The following HEMGN variants were observed in gnomAD, a reference collection of about 807,000 sequenced individuals.
HEMGN encodes erythroid differentiation-associated gene protein.
Under a neutral mutation model 45.7 loss-of-function variants are expected in HEMGN, and 32 were observed. The ratio of observed to expected loss-of-function variants is 0.70; its 90% confidence interval spans 0.53 to 0.94. The LOEUF (loss-of-function observed/expected upper bound fraction) is 0.94, where lower values mean the gene tolerates loss of function less well. Among genes scored for constraint, HEMGN ranks in the 40% least tolerant of loss-of-function variants. The probability of loss-of-function intolerance (pLI) is 0.00; values close to 1 mark genes in which losing one functional copy is unlikely to be tolerated. For missense variants in HEMGN, 530 were observed against 564.2 expected, an observed-to-expected ratio of 0.94 and a Z score of 0.61; for synonymous variants, 183 against 178.6, an observed-to-expected ratio of 1.02 and a Z score of -0.20.
chr9:97,931,574 G>T lies in HEMGN; in HGVS notation c.174-353C>A, dbSNP rs193187369. Among the ~76,000 whole-genome samples the T allele has an allele frequency of 3.9e-4, 59 of 152,202 alleles. No individual in the cohort carries two copies. In the East Asian group the frequency reaches 0.011, roughly 28 times the overall value. On this transcript the variant is annotated intron_variant, in intron 2 of 3. Coordinates refer to ENST00000616898, the MANE Select transcript of HEMGN (RefSeq NM_197978.3). ...ATTCTCATTACAAATTAATAGAGTG[G>T]CATTCTGGTTTATACACTAGTCTCT... is the stretch of plus-strand genomic sequence containing the variant.
chr9:97,927,925 TGTCTA>T (rs2131550674), intron 3 of HEMGN, among the ~76,000 whole-genome samples: 1 of 152,188 alleles, frequency 6.6e-6, no homozygotes, highest in African/African-American at 2.4e-5. Context: ...CCTGAAAAGA[TGTCTA>T]GTAACATTAA....
chr9:97,931,488 G>A (rs938959173), intron 2 of HEMGN, among the ~76,000 whole-genome samples: 13 of 152,214 alleles, frequency 8.5e-5, no homozygotes, highest in Admixed American at 2.6e-4. Context: ...TAGTGCATGC[G>A]CGTATGCGTG....
Position 97,927,325 on chromosome 9 carries a change from C to T in HEMGN, c.*59G>A, listed in dbSNP as rs900405613. The stretch of plus-strand genomic sequence containing the variant: ...AAGTTTTACAATATTTTGAGAAAAT[C>T]ACGCATAAACTATTAAGCTGTATGT... On this transcript the variant is annotated 3_prime_UTR_variant, in exon 4 of 4. Coordinates refer to ENST00000616898, the MANE Select transcript of HEMGN (RefSeq NM_197978.3). 1 of 883,042 alleles carries T rather than the reference C, an allele frequency of 1.1e-6. No homozygotes were observed. Among genetic ancestry groups the T allele is most frequent in the Non-Finnish European group, 1.8e-6 (1 of 564,446 alleles). The allele number at this position is 883,042 out of a possible 1,614,324, so 54.7% of individuals were successfully genotyped here.
chr9:97,931,018 T>C lies in HEMGN; in HGVS notation c.377A>G (p.Lys126Arg), dbSNP rs1826940234. 1 of 1,614,116 alleles carries C rather than the reference T, an allele frequency of 6.2e-7. No individual in the cohort carries two copies. Among genetic ancestry groups the C allele is most frequent in the Non-Finnish European group, 8.5e-7 (1 of 1,180,014 alleles). ...KVFPSVASPQKVVPEEHFSEI... is the reference protein window; with the variant it reads ...KVFPSVASPQRVVPEEHFSEI... ...AGAAAAGTGTTCCTCAGGCACAACTTTTTGCGGGGAGGCTACTGAAGGAAA... is the reference window on the plus strand; with the variant it reads ...AGAAAAGTGTTCCTCAGGCACAACTCTTTGCGGGGAGGCTACTGAAGGAAA... Residue 126 changes from lysine to arginine, a missense_variant, in exon 3 of 4, where the codon AAA becomes AGA. Coordinates refer to ENST00000616898, the MANE Select transcript of HEMGN (RefSeq NM_197978.3).
Position 97,933,241 on chromosome 9 carries a change from G to T in HEMGN, c.174-2020C>A, listed in dbSNP as rs1826990757. Among the ~76,000 whole-genome samples the T allele has an allele frequency of 2.6e-5, 4 of 152,142 alleles. No homozygotes were observed. In the South Asian group the frequency reaches 8.3e-4, roughly 32 times the overall value. Reference sequence around the variant, plus strand: ...ATTATATATAATAACTTACATGAATGAATTATTCAAATATAAATTAGGACT... The same window carrying T: ...ATTATATATAATAACTTACATGAATTAATTATTCAAATATAAATTAGGACT... On this transcript the variant is annotated intron_variant, in intron 2 of 3. Coordinates refer to ENST00000616898, the MANE Select transcript of HEMGN (RefSeq NM_197978.3).
intron 2 of HEMGN, among the ~76,000 whole-genome samples, chr9:97,935,365 C>G (rs144174079): frequency 1.3e-5 from 2 of 152,296 alleles, no homozygotes; most frequent in Admixed American, 1.3e-4. Flanking sequence ...CCCCAGAAGA[C>G]TTTTGACAAT....
chr9:97,927,844 AAG>A (rs1251854720), intron 3 of HEMGN, among the ~76,000 whole-genome samples: 5 of 152,160 alleles, frequency 3.3e-5, no homozygotes, highest in Non-Finnish European at 7.3e-5. Context: ...AATCGGAAAA[AAG>A]AAATAAAAAA....
chr9:97,928,175 C>T (rs933080176), intron 3 of HEMGN, among the ~76,000 whole-genome samples: 1 of 152,018 alleles, frequency 6.6e-6, no homozygotes, highest in Non-Finnish European at 1.5e-5. Context: ...TACAGGCGCC[C>T]GCCACCGCGC....
At chr9:97,941,585 T>C (rs1827153470), upstream of HEMGN, among the ~76,000 whole-genome samples, 1 of 152,228 alleles carries the variant, frequency 6.6e-6, no homozygotes, top group African/African-American at 2.4e-5. Context: ...GATTAACTTA[T>C]AACTTGAATA....
intron 3 of HEMGN, among the ~76,000 whole-genome samples, chr9:97,928,699 T>C (rs2131551298): frequency 6.6e-6 from 1 of 152,336 alleles, no homozygotes; most frequent in African/African-American, 2.4e-5. Context: ...GTTAACTAAA[T>C]AAATGTTATT....
Position 97,930,526 on chromosome 9 carries a change from C to T in HEMGN, c.869G>A (p.Gly290Glu). 1 of 1,614,046 alleles carries T rather than the reference C, an allele frequency of 6.2e-7. No individual in the cohort carries two copies. The highest frequency in any genetic ancestry group is 8.5e-7 in the Non-Finnish European group (1 of 1,179,972). ...EPEEYNETDQ[G>E]IAETEGLFPK... Reference sequence around the variant, plus strand: ...AAAAAGGCCTTCTGTCTCAGCTATTCCTTGATCTGTTTCATTGTATTCCTC... The same window carrying T: ...AAAAAGGCCTTCTGTCTCAGCTATTTCTTGATCTGTTTCATTGTATTCCTC... The change falls in exon 3 of 4, where the codon GGA becomes GAA. Residue 290 changes from glycine (G) to glutamate (E), a missense_variant. Transcript: ENST00000616898.
rs916464902 is a variant in HEMGN at position 97,928,494 on chromosome 9, G to A, written c.1361-1016C>T. On this transcript the variant is annotated intron_variant, in intron 3 of 3. Coordinates refer to ENST00000616898, the MANE Select transcript of HEMGN (RefSeq NM_197978.3). ...TATTCAAACTTTAAATTTGGGTACC[G>A]TTTGGCCCAACAATTTGATTTCTAG... Among the ~76,000 whole-genome samples the A allele has an allele frequency of 5.3e-5, 8 of 152,246 alleles. 1 individual carries two copies. In the Middle Eastern group the frequency reaches 0.01, roughly 194 times the overall value.
chr9:97,931,862 T>C (rs892713584), intron 2 of HEMGN, among the ~76,000 whole-genome samples: 10 of 152,224 alleles, frequency 6.6e-5, no homozygotes, highest in African/African-American at 1.9e-4. Context: ...GGCCATATTA[T>C]ACCTATTCCT....
At chr9:97,944,548 C>G (rs1010475205) in intron 1 of HEMGN, among the ~76,000 whole-genome samples, 2 of 152,294 alleles carry the variant, frequency 1.3e-5, no homozygotes, top group East Asian at 3.9e-4. Flanking sequence ...TTCATCTGCC[C>G]TCACCCTCCC....
At position 97,936,251 on chromosome 9, in the gene HEMGN, G is replaced by C. The variant is rs146948225; in HGVS notation, c.93C>G (p.Thr31=). ...GTAGTTCTCTGTTTCTCAAACTCCA[G>C]GTTCCAATGACTTCTGTAATAAAAT... The part of the protein sequence containing the change: ...EENHSPEVIG[T]WSLRNRELLR... Residue 31 remains threonine, a synonymous_variant, in exon 2 of 4, where the codon ACC becomes ACG. Coordinates refer to ENST00000616898, the MANE Select transcript of HEMGN (RefSeq NM_197978.3). 12 of 1,608,022 alleles carry C rather than the reference G, an allele frequency of 7.5e-6. No individual in the cohort carries two copies. Among genetic ancestry groups the C allele is most frequent in the Non-Finnish European group, 1.0e-5 (12 of 1,175,848 alleles).
In HEMGN at chr9:97,927,168, TACACACACACACAC is replaced by T. The variant is rs34825770; in HGVS notation, c.*202_*215del. ...ATCCTCTCCCCGACCTATACATACATACACACACACACACACACACACACACACACATTCTAGCA... is the reference window on the plus strand; with the variant it reads ...ATCCTCTCCCCGACCTATACATACATACACACACACACACACATTCTAGCA... On this transcript the variant is annotated 3_prime_UTR_variant, in exon 4 of 4. Coordinates refer to ENST00000616898, the MANE Select transcript of HEMGN (RefSeq NM_197978.3). 1 of 316,510 alleles carries T rather than the reference TACACACACACACAC, an allele frequency of 3.2e-6. No homozygotes were observed. The highest frequency in any genetic ancestry group is 2.2e-5 in the African/African-American group (1 of 44,806). The allele number at this position is 316,510 out of a possible 1,614,324, so 19.6% of individuals were successfully genotyped here. A position where few individuals can be genotyped will look rare whatever the true frequency, so the allele number is the denominator to read the frequency against.
At chr9:97,941,798 T>G (rs1007662511), upstream of HEMGN, among the ~76,000 whole-genome samples, 2 of 152,054 alleles carry the variant, frequency 1.3e-5, no homozygotes, top group African/African-American at 4.8e-5. Context: ...AAATATAGTG[T>G]CTCGGAAGCC....
intron 2 of HEMGN, among the ~76,000 whole-genome samples, chr9:97,935,469 C>T (rs908868184): frequency 1.3e-5 from 2 of 152,116 alleles, no homozygotes; most frequent in Non-Finnish European, 2.9e-5. Context: ...GTGCACAAGC[C>T]AGCCCCCCAC....
rs1447400238 is a variant in HEMGN, at chr9:97,930,067, T to C, written c.1328A>G (p.Glu443Gly). 3 of 1,613,920 alleles carry C rather than the reference T, an allele frequency of 1.9e-6. No homozygotes were observed. The highest frequency in any genetic ancestry group is 2.5e-6 in the Non-Finnish European group (3 of 1,179,996). The change falls in exon 3 of 4, where the codon GAA becomes GGA. Residue 443 changes from glutamate to glycine, a missense_variant. Coordinates refer to ENST00000616898, the MANE Select transcript of HEMGN (RefSeq NM_197978.3). ...PQGQDPKAHQEDAKDAYTFPQ... is the reference protein window; with the variant it reads ...PQGQDPKAHQGDAKDAYTFPQ... Reference sequence around the variant, plus strand: ...AAAAGTATAAGCATCTTTAGCATCTTCCTGGTGTGCTTTAGGATCCTGGCC... The same window carrying C: ...AAAAGTATAAGCATCTTTAGCATCTCCCTGGTGTGCTTTAGGATCCTGGCC...
Sources: allele counts gnomAD v4.1 joint callset (sites outside exome capture counted in the v4.1 genomes callset), GRCh38; gene constraint gnomAD v4.1.1; transcripts MANE v1.5; gene names NCBI Gene and HGNC (gene_info 2026-07-23, HGNC 2026-07-21).